HOOK3: variants seen among roughly 807,000 people sequenced by gnomAD.
HOOK3 encodes the protein hook microtubule tethering protein 3.
A neutral mutation model predicts 116.3 loss-of-function variants in HOOK3; 24 were observed. The ratio of observed to expected loss-of-function variants is 0.21; its 90% CI spans 0.15 to 0.29. The LOEUF is 0.29. Among genes scored for constraint, HOOK3 ranks in the 10% least tolerant of loss-of-function variants. The probability of loss-of-function intolerance (pLI) is 1.00; values close to 1 mark genes in which losing one functional copy is unlikely to be tolerated. For synonymous variants in HOOK3, 275 were observed against 283.0 expected (o/e 0.97, Z 0.28); for missense variants, 632 against 830.2 (o/e 0.76, Z 2.93).
At chr8:42,993,468 T>G (rs1485072058) in intron 15 of HOOK3, among the ~76,000 whole-genome samples, 1 of 152,204 alleles carries the variant, frequency 6.6e-6, no homozygotes, top group Non-Finnish European at 1.5e-5. Context: ...TTTGTTTTTT[T>G]TCTTTTGATG....
At chr8:42,921,346 A>G (rs1007621876) in intron 2 of HOOK3, among the ~76,000 whole-genome samples, 1 of 152,116 alleles carries the variant, frequency 6.6e-6, no homozygotes, top group Non-Finnish European at 1.5e-5. Flanking sequence ...GGAAAGCAAT[A>G]CTTGATTGCT....
intron 1 of HOOK3, among the ~76,000 whole-genome samples, chr8:42,899,065 T>C (rs1807127356): frequency 6.9e-6 from 1 of 145,114 alleles, no homozygotes; most frequent in Non-Finnish European, 1.5e-5. Context: ...TGAAAAGTCT[T>C]AAGTTAAACC....
At chr8:42,983,746 G>C (rs1311664961) in intron 14 of HOOK3, among the ~76,000 whole-genome samples, 1 of 152,126 alleles carries the variant, frequency 6.6e-6, no homozygotes, top group Admixed American at 6.5e-5. Flanking sequence ...AAAGTGCTGG[G>C]ATTACAGGTG....
intron 11 of HOOK3, among the ~76,000 whole-genome samples, chr8:42,971,449 A>G (rs1021721364): frequency 1.3e-5 from 2 of 151,292 alleles, no homozygotes; most frequent in African/African-American, 2.4e-5. Context: ...GTGTATTTTT[A>G]GTAGAGACAG....
intron 3 of HOOK3, among the ~76,000 whole-genome samples, 185 bp from the exon 4 acceptor site, chr8:42,929,937 T>A (rs149200360): frequency 1.3e-5 from 2 of 152,264 alleles, no homozygotes; most frequent in East Asian, 3.9e-4. Context: ...GTTTTATAAA[T>A]CTCTTGGATT....
chr8:42,904,774 C>A (rs566720438), intron 1 of HOOK3, among the ~76,000 whole-genome samples: 1 of 152,254 alleles, frequency 6.6e-6, no homozygotes, highest in African/African-American at 2.4e-5. Context: ...CTCCCCTGTT[C>A]TGTTTCTTCC....
At chr8:42,915,183 G>T (rs1807507365) in intron 2 of HOOK3, among the ~76,000 whole-genome samples, 1 of 152,010 alleles carries the variant, frequency 6.6e-6, no homozygotes, top group African/African-American at 2.4e-5. Context: ...ACTGTCCGAT[G>T]GTCACCAGGT....
rs766633886 is a variant in HOOK3, at chr8:43,023,205, C to CAAAAAAAAAAAAAAAAAAAA, written c.*4711_*4730dup. ...TGGGCCACAGAGTGAGACTCCATCTCAAAAAAAAAAAAAAAAAAAAAAAGA... is the reference window on the plus strand; with the variant it reads ...TGGGCCACAGAGTGAGACTCCATCTCAAAAAAAAAAAAAAAAAAAAAAAAAAAAAAAAAAAAAAAAAAAGA... On this transcript the variant is annotated 3_prime_UTR_variant, in exon 22 of 22. Coordinates refer to ENST00000307602, the MANE Select transcript of HOOK3 (RefSeq NM_032410.4). 2.8e-5 allele frequency: 2 copies of CAAAAAAAAAAAAAAAAAAAA among 70,446 alleles called. 1 individual carries two copies. Among genetic ancestry groups the CAAAAAAAAAAAAAAAAAAAA allele is most frequent in the Non-Finnish European group, 5.5e-5 (2 of 36,478 alleles). The allele number at this position is 70,446 out of a possible 1,614,324, so 4.4% of individuals were successfully genotyped here.
Position 42,985,074 on chromosome 8 carries a change from A to G in HOOK3, c.1392-1581A>G, listed in dbSNP as rs1809025755. ...AGTGGGTTAATATTTGATACTTTTC[A>G]TTGATGTTAAGAGTGTGGACAAATT... On this transcript the variant is annotated intron_variant, in intron 14 of 21. Transcript: ENST00000307602. Among the ~76,000 whole-genome samples the G allele has an allele frequency of 2.0e-5, 3 of 152,320 alleles. No homozygotes were observed. The South Asian group carries it at 6.2e-4, about 32-fold the overall frequency.
At chr8:42,990,133 C>G (rs969146747) in intron 15 of HOOK3, among the ~76,000 whole-genome samples, 8 of 151,710 alleles carry the variant, frequency 5.3e-5, no homozygotes, top group Non-Finnish European at 1.2e-4. Context: ...GTAGCTGGAA[C>G]TATAGGTACA....
At chr8:42,903,733 G>A (rs1016522519) in intron 1 of HOOK3, among the ~76,000 whole-genome samples, 1 of 1,864 alleles carries the variant, frequency 5.4e-4, no homozygotes, top group African/African-American at 3.3e-3. Flanking sequence ...TAAGGCGGGC[G>A]GATGACGAGG....
intron 4 of HOOK3, among the ~76,000 whole-genome samples, chr8:42,940,218 G>A (rs185140932): frequency 0.047 from 7,231 of 152,310 alleles, 343 homozygotes; most frequent in African/African-American, 0.12. Flanking sequence ...ACGAGACTCC[G>A]TCTGCAATCC....
chr8:42,926,542 T>C (rs186137834), intron 3 of HOOK3, among the ~76,000 whole-genome samples: 2 of 152,234 alleles, frequency 1.3e-5, no homozygotes, highest in African/African-American at 4.8e-5. Flanking sequence ...CACCTTGGCC[T>C]CTCAAAGTGC....
At chr8:42,933,148 C>T (rs1439858164) in intron 4 of HOOK3, among the ~76,000 whole-genome samples, 1 of 152,048 alleles carries the variant, frequency 6.6e-6, no homozygotes, top group Non-Finnish European at 1.5e-5. Flanking sequence ...CAAGGTCTAA[C>T]AATAGAAAAT....
In HOOK3 at chr8:42,985,556, T is replaced by C. The variant is rs572023447; in HGVS notation, c.1392-1099T>C. On this transcript the variant is annotated intron_variant, in intron 14 of 21. Coordinates refer to ENST00000307602, the MANE Select transcript of HOOK3 (RefSeq NM_032410.4). ...CATTTTGTGCTATAGTTATGGAGGG[T>C]TTATATTTTCTTTTCATTTGTCTTC... Among the ~76,000 whole-genome samples the C allele has an allele frequency of 3.3e-5, 5 of 152,150 alleles. No individual in the cohort carries two copies. The South Asian group carries it at 1.0e-3, about 32-fold the overall frequency.
At chr8:42,986,967 G>A (rs1339066345) in intron 15 of HOOK3, among the ~76,000 whole-genome samples, 172 bp downstream of exon 15, 1 of 152,036 alleles carries the variant, frequency 6.6e-6, no homozygotes, top group Non-Finnish European at 1.5e-5. Flanking sequence ...GACCAGCCTG[G>A]GCAACATGGT....
chr8:42,902,474 G>C (rs1807211058), intron 1 of HOOK3, among the ~76,000 whole-genome samples: 1 of 151,960 alleles, frequency 6.6e-6, no homozygotes, highest in Non-Finnish European at 1.5e-5. Context: ...ATTTTGCCAT[G>C]TTTTTCAGCA....
chr8:43,000,974 A>T (rs1378754453), intron 16 of HOOK3: 3 of 152,122 alleles, frequency 2.0e-5, no homozygotes, highest in Non-Finnish European at 4.4e-5. Context: ...ATCGAAAGTT[A>T]ATAGAGTTGG....
At chr8:43,000,195 C>A in intron 16 of HOOK3, 2 of 896,110 alleles carry the variant, frequency 2.2e-6, no homozygotes, top group Non-Finnish European at 3.1e-6. Context: ...ATTACTAAAT[C>A]GTTGCTTCTC....
Sources: allele counts gnomAD v4.1 joint callset (sites outside exome capture counted in the v4.1 genomes callset), GRCh38; gene constraint gnomAD v4.1.1; transcripts MANE v1.5; gene names NCBI Gene and HGNC (gene_info 2026-07-23, HGNC 2026-07-21).